The following CCDC7 variants were observed in gnomAD, a reference collection of about 807,000 sequenced individuals.
The protein encoded by CCDC7 is coiled-coil domain containing 7.
In CCDC7, 183 loss-of-function variants were observed where a neutral mutation model predicts 196.9. The observed-to-expected ratio is 0.93, with a 90% CI of 0.82 to 1.05. CCDC7 has a LOEUF of 1.05. Ranked by LOEUF, CCDC7 falls within the 50% of genes least tolerant of loss-of-function variation. The probability of loss-of-function intolerance (pLI) is 0.00; values close to 1 mark genes in which losing one functional copy is unlikely to be tolerated. For synonymous variants in CCDC7, 525 were observed against 484.6 expected (o/e 1.08, Z -1.10); for missense variants, 1,540 against 1,482.2 (o/e 1.04, Z -0.64).
intron 20 of CCDC7, among the ~76,000 whole-genome samples, chr10:32,656,532 AG>A (rs1200245781): frequency 6.6e-6 from 1 of 152,170 alleles, no homozygotes; most frequent in Non-Finnish European, 1.5e-5. Flanking sequence ...TGCCAATCAA[AG>A]GGGGAAAGCA....
chr10:32,683,868 C>G (rs1318915189), intron 21 of CCDC7, among the ~76,000 whole-genome samples: 2 of 152,164 alleles, frequency 1.3e-5, no homozygotes, highest in Non-Finnish European at 2.9e-5. Context: ...AGTAGCAAGG[C>G]CTGGGACCTG....
chr10:32,690,783 A>T (rs142913820), intron 23 of CCDC7, among the ~76,000 whole-genome samples: 4 of 152,202 alleles, frequency 2.6e-5, no homozygotes, highest in African/African-American at 4.8e-5. Flanking sequence ...CTCAGTTTCC[A>T]TCAGGGACTG....
intron 9 of CCDC7, among the ~76,000 whole-genome samples, chr10:32,494,336 AT>A (rs1161263258): frequency 6.7e-6 from 1 of 150,372 alleles, no homozygotes; most frequent in East Asian, 1.9e-4. Flanking sequence ...TTGATCATAT[AT>A]ATGTAAATTT....
At chr10:32,725,063 T>C (rs2082923533) in intron 25 of CCDC7, among the ~76,000 whole-genome samples, 2 of 152,116 alleles carry the variant, frequency 1.3e-5, no homozygotes, top group African/African-American at 2.4e-5. Flanking sequence ...TACACACACA[T>C]ACACATGCAT....
chr10:32,687,006 G>T (rs1591595561), intron 22 of CCDC7, among the ~76,000 whole-genome samples: 1 of 152,288 alleles, frequency 6.6e-6, no homozygotes, highest in East Asian at 1.9e-4. Context: ...CATCTGTGTG[G>T]ACAGGAATGC....
intron 24 of CCDC7, among the ~76,000 whole-genome samples, chr10:32,709,681 G>A (rs1442817692): frequency 1.3e-5 from 2 of 152,108 alleles, no homozygotes; most frequent in Admixed American, 6.5e-5. Flanking sequence ...CTACTGCTGT[G>A]TGACCCGGTT....
intron 13 of CCDC7, among the ~76,000 whole-genome samples, chr10:32,558,799 A>T (rs1046642201): frequency 6.6e-6 from 1 of 152,204 alleles, no homozygotes; most frequent in African/African-American, 2.4e-5. Context: ...CTCACTAGGG[A>T]GTGCCAGACA....
chr10:32,621,742 A>G (rs777523527), intron 18 of CCDC7, among the ~76,000 whole-genome samples: 28 of 152,170 alleles, frequency 1.8e-4, no homozygotes, highest in Non-Finnish European at 3.2e-4. Context: ...GCAGGAGAAG[A>G]TGGATATCCC....
chr10:32,859,924 GC>G (rs1442705791), intron 41 of CCDC7, among the ~76,000 whole-genome samples: 4 of 152,142 alleles, frequency 2.6e-5, no homozygotes, highest in Non-Finnish European at 5.9e-5. Flanking sequence ...GCAATTAATA[GC>G]CTATTAACCA....
intron 28 of CCDC7, among the ~76,000 whole-genome samples, chr10:32,771,976 C>T (rs1299376973): frequency 1.3e-5 from 2 of 152,150 alleles, no homozygotes; most frequent in Non-Finnish European, 2.9e-5. Flanking sequence ...TTTTGCTTGC[C>T]TTATGTTGTC....
chr10:32,503,263 A>G (rs2135033268), intron 9 of CCDC7, among the ~76,000 whole-genome samples: 1 of 149,066 alleles, frequency 6.7e-6, no homozygotes, highest in Admixed American at 6.9e-5. Context: ...TGTTGAGTAT[A>G]ATAATGTTAG....
rs2063089460 is a variant in CCDC7, at chr10:32,619,043, T to A, written c.1802-15211T>A. Reference sequence around the variant, plus strand: ...TTAGTCTATAATTGAAGCTTTTGAATGTATTTAATATTTCCTTCAATGATT... The same window carrying A: ...TTAGTCTATAATTGAAGCTTTTGAAAGTATTTAATATTTCCTTCAATGATT... On this transcript the variant is annotated intron_variant, in intron 18 of 41. Transcript: ENST00000639629. Among the ~76,000 whole-genome samples the A allele has an allele frequency of 7.2e-5, 11 of 152,176 alleles. No individual in the cohort carries two copies. In the South Asian group the frequency reaches 2.3e-3, roughly 32 times the overall value.
intron 25 of CCDC7, among the ~76,000 whole-genome samples, chr10:32,718,844 C>A (rs1303589536): frequency 6.6e-6 from 1 of 152,060 alleles, no homozygotes; most frequent in Non-Finnish European, 1.5e-5. Flanking sequence ...TCAAGGAAAG[C>A]TACAAACCAC....
chr10:32,462,219 G>A (rs1019558575), intron 3 of CCDC7, among the ~76,000 whole-genome samples: 1 of 152,022 alleles, frequency 6.6e-6, no homozygotes, highest in Non-Finnish European at 1.5e-5. Flanking sequence ...CCAGGAGTTC[G>A]AGACCAGCCT....
chr10:32,839,718 A>G (rs563596832), intron 33 of CCDC7, among the ~76,000 whole-genome samples: 36 of 152,154 alleles, frequency 2.4e-4, no homozygotes, highest in Non-Finnish European at 4.3e-4. Flanking sequence ...TCATCAGCAC[A>G]TGGAACATTC....
intron 11 of CCDC7, among the ~76,000 whole-genome samples, chr10:32,519,586 T>A (rs937095879): frequency 3.3e-5 from 5 of 152,072 alleles, no homozygotes; most frequent in South Asian, 4.2e-4. Context: ...TTTAAAAAAA[T>A]TTTTATTTTT....
chr10:32,680,375 G>A (rs1236902113), intron 21 of CCDC7, among the ~76,000 whole-genome samples: 1 of 151,928 alleles, frequency 6.6e-6, no homozygotes, highest in African/African-American at 2.4e-5. Context: ...ATTAGTTGGG[G>A]CCATACCAAT....
chr10:32,665,122 G>C (rs561125782), intron 21 of CCDC7, among the ~76,000 whole-genome samples: 1 of 152,080 alleles, frequency 6.6e-6, no homozygotes, highest in South Asian at 2.1e-4. Context: ...TTAGAGAAAT[G>C]TCTATTCAGA....
intron 16 of CCDC7, among the ~76,000 whole-genome samples, chr10:32,573,480 T>C (rs2057826927): frequency 1.3e-5 from 2 of 152,192 alleles, no homozygotes; most frequent in African/African-American, 4.8e-5. Context: ...GCAGTTTCAG[T>C]TACTTTCCAT....
Sources: gnomAD v4.1 joint callset for allele counts (sites outside exome capture counted in the v4.1 genomes callset) on GRCh38, gnomAD v4.1.1 for gene constraint, MANE v1.5 for transcripts, NCBI Gene and HGNC (gene_info 2026-07-23, HGNC 2026-07-21) for gene names.